Variants in PCDH10 observed in about 807,000 individuals in gnomAD.
PCDH10 encodes the protein protocadherin-10.
In PCDH10, 15 loss-of-function variants were observed where a neutral mutation model predicts 74.4. The ratio of observed to expected loss-of-function variants is 0.20; its 90% confidence interval spans 0.13 to 0.31. The LOEUF (loss-of-function observed/expected upper bound fraction) is 0.31, where lower values mean the gene tolerates loss of function less well. PCDH10 is among the 10% of genes least tolerant of loss of function. PCDH10 has a pLI of 1.00. For synonymous variants in PCDH10, 619 were observed against 589.8 expected (o/e 1.05, Z -0.72); for missense variants, 1,260 against 1,390.2 (o/e 0.91, Z 1.49).
intron 3 of PCDH10, among the ~76,000 whole-genome samples, chr4:133,156,307 A>T (rs1379527335): frequency 6.6e-6 from 1 of 152,222 alleles, no homozygotes; most frequent in Non-Finnish European, 1.5e-5. Context: ...AGGAAGGGAA[A>T]AAAGGCTGCT....
chr4:133,174,638 A>G (rs1330394225), intron 4 of PCDH10, among the ~76,000 whole-genome samples: 1 of 151,176 alleles, frequency 6.6e-6, no homozygotes, highest in African/African-American at 2.4e-5. Context: ...ATATTATTAT[A>G]TAAATATACG....
intron 3 of PCDH10, among the ~76,000 whole-genome samples, chr4:133,157,048 A>T (rs558277346): frequency 5.9e-5 from 9 of 152,270 alleles, no homozygotes; most frequent in South Asian, 4.1e-4. Flanking sequence ...AAATGTTAAA[A>T]TTTTTTTGTA....
Position 133,151,537 on chromosome 4 carries a change from C to A in PCDH10, c.1397C>A (p.Pro466Gln). The A allele has an allele frequency of 6.2e-7, 1 of 1,614,134 alleles. No individual in the cohort carries two copies. The highest frequency in any genetic ancestry group is 1.7e-5 in the Admixed American group (1 of 60,022). The change falls in exon 1 of 5, where the codon CCG becomes CAG. Residue 466 changes from proline to glutamine, a missense_variant. Pro to Gln is a moderately conservative substitution (Grantham distance 76, BLOSUM62 -1). This residue lies in a region of PCDH10 where 587 missense variants were observed against 616.9 expected (regional missense o/e 0.95). Coordinates refer to ENST00000264360, the MANE Select transcript of PCDH10 (RefSeq NM_032961.3). ...GACAACGCGCCGCGTTTCAGCCAGCCGGTCTACGACGTGTATGTGACTGAA... is the reference window on the plus strand; with the variant it reads ...GACAACGCGCCGCGTTTCAGCCAGCAGGTCTACGACGTGTATGTGACTGAA... ...VNDNAPRFSQ[P>Q]VYDVYVTENN...
At chr4:133,176,310 C>T (rs1727294509) in intron 4 of PCDH10, among the ~76,000 whole-genome samples, 1 of 152,032 alleles carries the variant, frequency 6.6e-6, no homozygotes, top group Non-Finnish European at 1.5e-5. Flanking sequence ...TGGGACCTCT[C>T]TAATTTCTTT....
chr4:133,194,972 G>A (rs578005714), downstream of PCDH10, among the ~76,000 whole-genome samples: 31 of 151,908 alleles, frequency 2.0e-4, no homozygotes, highest in African/African-American at 7.2e-4. Context: ...TAACATAGAG[G>A]TTGTACATAA....
chr4:133,164,095 C>T (rs962294289), intron 4 of PCDH10: 3 of 448,560 alleles, frequency 6.7e-6, no homozygotes, highest in Non-Finnish European at 8.9e-6. Context: ...TTCAGCTTTT[C>T]AAATTACTCA....
At position 133,152,726 on chromosome 4, in the gene PCDH10, C is replaced by G. The variant is rs1456461281; in HGVS notation, c.2586C>G (p.Asp862Glu). 6 of 1,614,098 alleles carry G rather than the reference C, an allele frequency of 3.7e-6. No homozygotes were observed. In the Admixed American group the frequency reaches 5.0e-5, roughly 13 times the overall value. The part of the protein sequence containing the change: ...PCGAIVTGYT[D>E]QQPDIISNGS... The stretch of plus-strand genomic sequence containing the variant: ...GGGCCATCGTCACCGGTTACACCGA[C>G]CAGCAGCCTGATATCATCTCCAACG... The change falls in exon 1 of 5, where the codon GAC (aspartate) becomes GAG (glutamate). Residue 862 changes from aspartate to glutamate, a missense_variant. Asp to Glu is a conservative substitution (Grantham distance 45). Around this residue, in one of 11 missense-constraint regions of PCDH10, gnomAD observed 587 missense variants for 616.9 expected, o/e 0.95. Coordinates refer to ENST00000264360, the MANE Select transcript of PCDH10 (RefSeq NM_032961.3).
At chr4:133,157,906 G>A (rs937472708) in intron 3 of PCDH10, among the ~76,000 whole-genome samples, 2 of 152,094 alleles carry the variant, frequency 1.3e-5, no homozygotes, top group African/African-American at 4.8e-5. Flanking sequence ...GAAGGCAGCT[G>A]CACAGAGAAT....
intron 4 of PCDH10, among the ~76,000 whole-genome samples, chr4:133,174,197 C>T (rs1727249539): frequency 6.6e-6 from 1 of 151,870 alleles, no homozygotes; most frequent in Non-Finnish European, 1.5e-5. Context: ...CATCCAAAGT[C>T]ATAATTGCCT....
In PCDH10 at chr4:133,194,377, T is replaced by C. The variant is rs922133911; in HGVS notation, c.*4217T>C. On this transcript the variant is annotated 3_prime_UTR_variant, in exon 5 of 5. Transcript: ENST00000264360. ...TGATGGAACTCAGACTTCCAATACA[T>C]TCATACATGCTAGAGCTGAAAGTAA... 4 of 151,818 alleles carry C rather than the reference T, an allele frequency of 2.6e-5. No homozygotes were observed. The highest frequency in any genetic ancestry group is 9.7e-5 in the African/African-American group (4 of 41,402). 9.4% of individuals were successfully genotyped at this position (151,818 alleles called of 1,614,324 possible).
intron 2 of PCDH10, among the ~76,000 whole-genome samples, chr4:133,207,239 T>C (rs1176546450): frequency 6.6e-6 from 1 of 152,060 alleles, no homozygotes; most frequent in African/African-American, 2.4e-5. Context: ...AATATAAAAC[T>C]CAATATCCCT....
intron 4 of PCDH10, among the ~76,000 whole-genome samples, chr4:133,188,071 A>C (rs1050455712): frequency 6.6e-6 from 1 of 152,156 alleles, no homozygotes; most frequent in African/African-American, 2.4e-5. Flanking sequence ...TGTTTCCTCT[A>C]AATCAGCATT....
intron 4 of PCDH10, among the ~76,000 whole-genome samples, chr4:133,184,612 AAAAT>A (rs916267809): frequency 1.3e-5 from 2 of 150,284 alleles, no homozygotes; most frequent in African/African-American, 2.4e-5. Context: ...CTGTGTCTCA[AAAAT>A]AAATAAATAA....
chr4:133,174,336 A>G (rs1240974573), intron 4 of PCDH10, among the ~76,000 whole-genome samples: 1 of 151,878 alleles, frequency 6.6e-6, no homozygotes, highest in South Asian at 2.1e-4. Context: ...AATATATCCT[A>G]GCTTGGTAAT....
downstream of PCDH10, among the ~76,000 whole-genome samples, chr4:133,195,767 A>G (rs1727783691): frequency 1.3e-5 from 2 of 152,122 alleles, no homozygotes; most frequent in African/African-American, 2.4e-5. Context: ...ATAGATTAGA[A>G]AAGTATCAAA....
chr4:133,163,317 C>T, intron 4 of PCDH10, 35 bp downstream of exon 4: 1 of 1,505,636 alleles, frequency 6.6e-7, no homozygotes, highest in Non-Finnish European at 8.9e-7. Flanking sequence ...TTAAAGTGTT[C>T]CCTTTGAGGA....
chr4:133,183,006 C>T (rs1273070597), intron 4 of PCDH10, among the ~76,000 whole-genome samples: 1 of 151,808 alleles, frequency 6.6e-6, no homozygotes, highest in African/African-American at 2.4e-5. Context: ...CTTTAGAATA[C>T]TGACGATTCT....
chr4:133,181,842 T>C (rs1727425491), intron 4 of PCDH10, among the ~76,000 whole-genome samples: 3 of 152,082 alleles, frequency 2.0e-5, no homozygotes, highest in Non-Finnish European at 4.4e-5. Flanking sequence ...ACGTTGTATG[T>C]CTTGTGTCTT....
chr4:133,203,015 T>A (rs1272761527), intron 2 of PCDH10, among the ~76,000 whole-genome samples: 3 of 152,120 alleles, frequency 2.0e-5, no homozygotes, highest in Non-Finnish European at 4.4e-5. Flanking sequence ...CCTAGGTAGC[T>A]GTGCAGAGCT....
Sources: gnomAD v4.1 joint callset for allele counts (sites outside exome capture counted in the v4.1 genomes callset) on GRCh38, gnomAD v4.1.1 for gene constraint, gnomAD v4.1.1 regional missense constraint, MANE v1.5 for transcripts, NCBI Gene and HGNC (gene_info 2026-07-23, HGNC 2026-07-21) for gene names.